The following FRMPD1 variants were observed in gnomAD, a reference collection of about 807,000 sequenced individuals.
FRMPD1 encodes FERM and PDZ domain containing 1.
Under a neutral mutation model 117.8 loss-of-function variants are expected in FRMPD1, and 76 were observed. The ratio of observed to expected loss-of-function variants is 0.65; its 90% confidence interval spans 0.54 to 0.78. The LOEUF (loss-of-function observed/expected upper bound fraction) is 0.78, where lower values mean the gene tolerates loss of function less well. FRMPD1 is among the 30% of genes least tolerant of loss of function. The pLI is 0.00. For missense variants in FRMPD1, 1,786 were observed against 1,964.5 expected (o/e 0.91, Z 1.72); for synonymous variants, 783 against 770.4 (o/e 1.02, Z -0.27).
intron 5 of FRMPD1, among the ~76,000 whole-genome samples, chr9:37,713,248 T>C (rs1383556969): frequency 6.6e-6 from 1 of 152,172 alleles, no homozygotes; most frequent in Non-Finnish European, 1.5e-5. Context: ...AACAGTATGA[T>C]ATTGGTGAAA....
the FRMPD1 span, among the ~76,000 whole-genome samples, chr9:37,624,397 G>A: frequency 2.6e-5 from 4 of 152,186 alleles, no homozygotes; most frequent in Non-Finnish European, 5.9e-5. Context: ...AGAGGGGAAC[G>A]GGAAGCAAAT....
chr9:37,664,436 A>G (rs906558253), intron 1 of FRMPD1, among the ~76,000 whole-genome samples: 3 of 152,088 alleles, frequency 2.0e-5, no homozygotes, highest in African/African-American at 7.2e-5. Flanking sequence ...TAAGCCCCAC[A>G]TGCATTAGCT....
At chr9:37,736,665 C>T (rs1824142351) in intron 13 of FRMPD1, among the ~76,000 whole-genome samples, 1 of 152,118 alleles carries the variant, frequency 6.6e-6, no homozygotes, top group African/African-American at 2.4e-5. Flanking sequence ...ATCACCCTCT[C>T]CCTCATTCTC....
chr9:37,648,583 G>C (rs1820574043), upstream of FRMPD1, among the ~76,000 whole-genome samples: 1 of 152,198 alleles, frequency 6.6e-6, no homozygotes, highest in Admixed American at 6.5e-5. Context: ...TCCAACGAAA[G>C]CAAGGGCGGC....
the FRMPD1 span, among the ~76,000 whole-genome samples, chr9:37,640,733 A>G: frequency 6.6e-6 from 1 of 152,218 alleles, no homozygotes; most frequent in Non-Finnish European, 1.5e-5. Flanking sequence ...TTATGTTTTA[A>G]CAATGAATTA....
intron 2 of FRMPD1, among the ~76,000 whole-genome samples, chr9:37,699,430 G>A (rs1023856706): frequency 1.3e-5 from 2 of 148,324 alleles, no homozygotes; most frequent in Non-Finnish European, 3.0e-5. Context: ...AGTGATTCTC[G>A]TGCCTCAGCC....
chr9:37,708,872 T>C (rs757167955), intron 4 of FRMPD1, among the ~76,000 whole-genome samples: 1 of 152,236 alleles, frequency 6.6e-6, no homozygotes, highest in Non-Finnish European at 1.5e-5. Flanking sequence ...TGAACTAAAT[T>C]GATGCCAAAT....
intron 1 of FRMPD1, among the ~76,000 whole-genome samples, chr9:37,691,893 C>T (rs575577522): frequency 1.8e-4 from 27 of 151,930 alleles, no homozygotes; most frequent in Non-Finnish European, 3.2e-4. Context: ...GGTGACAGAG[C>T]GAGACTCCAT....
In FRMPD1 at chr9:37,723,391, A is replaced by G. The variant is rs1355823206; in HGVS notation, c.517-834A>G. Among the ~76,000 whole-genome samples, 3 of 152,298 alleles carry G rather than the reference A, an allele frequency of 2.0e-5. No individual in the cohort carries two copies. In the East Asian group the frequency reaches 5.8e-4, roughly 29 times the overall value. On this transcript the variant is annotated intron_variant, in intron 6 of 15. Transcript: ENST00000377765. ...CTCTTCTCCACCGTTTGTCGTATCTAACAGTCCTCATGGGTATCCCTTGAC... is the reference window on the plus strand; with the variant it reads ...CTCTTCTCCACCGTTTGTCGTATCTGACAGTCCTCATGGGTATCCCTTGAC...
Position 37,744,862 on chromosome 9 carries a change from A to G in FRMPD1, c.2830A>G (p.Ile944Val), listed in dbSNP as rs1415383909. 6.2e-7 allele frequency: 1 copy of G among 1,614,188 alleles called. No individual in the cohort carries two copies. Among genetic ancestry groups the G allele is most frequent in the African/African-American group, 1.3e-5 (1 of 75,056 alleles). The part of the protein sequence containing the change: ...IDSRVSSISA[I>V]RFRIDPNNKE... Reference sequence around the variant, plus strand: ...CTCTCGAGTGTCTTCTATTTCTGCCATTCGCTTCCGGATTGACCCCAACAA... The same window carrying G: ...CTCTCGAGTGTCTTCTATTTCTGCCGTTCGCTTCCGGATTGACCCCAACAA... The change falls in exon 16 of 16, where the codon ATT becomes GTT. Residue 944 changes from isoleucine (I) to valine (V), a missense_variant. Ile to Val is a conservative substitution (Grantham distance 29). Transcript: ENST00000377765.
In FRMPD1 at chr9:37,706,417, T is replaced by C. The variant is rs73445148; in HGVS notation, c.102-999T>C. Among the ~76,000 whole-genome samples, 997 of 152,338 alleles carry C rather than the reference T, an allele frequency of 6.5e-3. 11 individuals are homozygous for C. The highest frequency in any genetic ancestry group is 0.023 in the African/African-American group (953 of 41,576). On this transcript the variant is annotated intron_variant, in intron 2 of 15. Transcript: ENST00000377765. Reference sequence around the variant, plus strand: ...AAAGTGTTTGGTAAATGGATGAGAATAAATGATAGACCTTAACCGCAGAGT... The same window carrying C: ...AAAGTGTTTGGTAAATGGATGAGAACAAATGATAGACCTTAACCGCAGAGT...
At chr9:37,683,710 T>C (rs1054446572) in intron 1 of FRMPD1, among the ~76,000 whole-genome samples, 1 of 150,702 alleles carries the variant, frequency 6.6e-6, no homozygotes, top group African/African-American at 2.4e-5. Flanking sequence ...ACAAAAGGCT[T>C]TGGGGGGAAT....
the FRMPD1 span, among the ~76,000 whole-genome samples, chr9:37,638,772 A>G: frequency 1.3e-5 from 2 of 152,200 alleles, no homozygotes; most frequent in African/African-American, 4.8e-5. Flanking sequence ...GAGCCATTAT[A>G]AACTGTTATA....
At chr9:37,672,014 G>A (rs1006685899) in intron 1 of FRMPD1, among the ~76,000 whole-genome samples, 1 of 152,106 alleles carries the variant, frequency 6.6e-6, no homozygotes, top group Non-Finnish European at 1.5e-5. Context: ...AACAATTGGG[G>A]TAGGTTAGTT....
At chr9:37,620,827 T>C in the FRMPD1 span, among the ~76,000 whole-genome samples, 1 of 152,226 alleles carries the variant, frequency 6.6e-6, no homozygotes, top group East Asian at 1.9e-4. Flanking sequence ...GCACCTTCTT[T>C]ACTATAATAT....
intron 1 of FRMPD1, among the ~76,000 whole-genome samples, chr9:37,655,486 T>G (rs1271953184): frequency 6.9e-6 from 1 of 145,110 alleles, no homozygotes. Context: ...CTCTGCACCA[T>G]GTCCCCACTC....
At chr9:37,650,316 C>T (rs959797322), upstream of FRMPD1, among the ~76,000 whole-genome samples, 37 of 152,082 alleles carry the variant, frequency 2.4e-4, no homozygotes, top group African/African-American at 8.2e-4. Flanking sequence ...AGTCCCAGGG[C>T]GCTCCGGCAT....
At chr9:37,662,725 T>C (rs971348210) in intron 1 of FRMPD1, among the ~76,000 whole-genome samples, 1 of 152,146 alleles carries the variant, frequency 6.6e-6, no homozygotes, top group African/African-American at 2.4e-5. Flanking sequence ...CCAGCAGAGA[T>C]GACCTATGTG....
chr9:37,712,603 G>C (rs1020096890), intron 5 of FRMPD1, among the ~76,000 whole-genome samples: 5 of 152,174 alleles, frequency 3.3e-5, no homozygotes, highest in Non-Finnish European at 7.4e-5. Context: ...TGATCCACCT[G>C]CCTCGGCTTC....
Sources: gnomAD v4.1 joint callset for allele counts (sites outside exome capture counted in the v4.1 genomes callset) on GRCh38, gnomAD v4.1.1 for gene constraint, MANE v1.5 for transcripts, NCBI Gene and HGNC (gene_info 2026-07-23, HGNC 2026-07-21) for gene names.